The following FANCA variants were observed in gnomAD, a reference collection of about 807,000 sequenced individuals.
FANCA encodes FA complementation group A.
In FANCA, 236 loss-of-function variants were observed where a neutral mutation model predicts 194.3. The observed-to-expected ratio is 1.21, with a 90% confidence interval of 1.09 to 1.35. FANCA has a LOEUF of 1.35. FANCA is among the 40% of genes most tolerant of loss of function. FANCA has a pLI of 0.00. For missense variants in FANCA, 2,628 were observed against 1,813.9 expected, an observed-to-expected ratio of 1.45 and a Z score of -8.15; for synonymous variants, 1,014 against 715.8, an observed-to-expected ratio of 1.42 and a Z score of -6.65.
chr16:89,753,741 A>T (rs7206120), intron 30 of FANCA, among the ~76,000 whole-genome samples: 5 of 151,992 alleles, frequency 3.3e-5, no homozygotes, highest in Admixed American at 6.6e-5. Context: ...CACTCAGAAC[A>T]GTGTCGCTGC....
intron 18 of FANCA, 64 bp from the exon 19 acceptor site, chr16:89,779,067 G>T: frequency 6.6e-7 from 1 of 1,509,642 alleles, no homozygotes. Flanking sequence ...CCCACAGACG[G>T]TGACCGGTGT....
chr16:89,765,042 A>G lies in FANCA; in HGVS notation c.2626T>C (p.Phe876Leu). 6.2e-7 allele frequency: 1 copy of G among 1,614,206 alleles called. No homozygotes were observed. The highest frequency in any genetic ancestry group is 8.5e-7 in the Non-Finnish European group (1 of 1,180,020). Reference sequence around the variant, plus strand: ...GAAAGAGGCTGTCGGGCCTCTGAGAACAATCTGAACATGAGGAACTGAAAC... The same window carrying G: ...GAAAGAGGCTGTCGGGCCTCTGAGAGCAATCTGAACATGAGGAACTGAAAC... ...KKFQFLMFRL[F>L]SEARQPLSEE... The change falls in exon 28 of 43, where the codon TTC becomes CTC. Residue 876 changes from phenylalanine (F) to leucine (L), a missense_variant. Transcript: ENST00000389301.
Position 89,777,200 on chromosome 16 carries a change from G to A in FANCA, c.1827-1385C>T, listed in dbSNP as rs1048449303. 2.0e-5 allele frequency among the ~76,000 whole-genome samples: 3 copies of A among 149,988 alleles called. No individual in the cohort carries two copies. In the Admixed American group the frequency reaches 2.0e-4, roughly 10 times the overall value. On this transcript the variant is annotated intron_variant, in intron 20 of 42. Coordinates refer to ENST00000389301, the MANE Select transcript of FANCA (RefSeq NM_000135.4). The stretch of plus-strand genomic sequence containing the variant: ...AGACCCTGCTACTTGGGAGGCGGAG[G>A]GGGAAGGATTGTTGAAGCCCAGGAG...
At position 89,795,967 on chromosome 16, in the gene FANCA, A is replaced by G. The variant is rs760583815; in HGVS notation, c.945T>C (p.Pro315=). 3.1e-6 allele frequency: 5 copies of G among 1,614,190 alleles called. No homozygotes were observed. The highest frequency in any genetic ancestry group is 3.3e-5 in the Admixed American group (2 of 60,022). ...GGGTATGACTGAAGAACCTCTTCAG[A>G]GGATCTGTGGAAATTACACTGCCAA... ...HTLGSVISTD[P]LKRFFSHTLT... The change falls in exon 11 of 43, where the codon CCT becomes CCC. Residue 315 remains proline, a synonymous_variant. Coordinates refer to ENST00000389301, the MANE Select transcript of FANCA (RefSeq NM_000135.4).
At chr16:89,805,554 G>A (rs1348915068) in intron 6 of FANCA, among the ~76,000 whole-genome samples, 162 bp from the exon 7 acceptor site, 2 of 151,910 alleles carry the variant, frequency 1.3e-5, no homozygotes, top group African/African-American at 2.4e-5. Flanking sequence ...GACCTCCCAG[G>A]CTCAAGCAAT....
intron 37 of FANCA, among the ~76,000 whole-genome samples, chr16:89,742,126 A>G (rs1159336953): frequency 6.6e-6 from 1 of 151,932 alleles, no homozygotes; most frequent in Non-Finnish European, 1.5e-5. Flanking sequence ...GTAGGTGCGC[A>G]CCACCACACC....
chr16:89,739,143 A>T lies in FANCA; in HGVS notation c.4157T>A (p.Leu1386His), dbSNP rs531372521. ...VSPPAGRSLELKGQGNPVELI... is the reference protein window; with the variant it reads ...VSPPAGRSLEHKGQGNPVELI... ...GGCCCTTGCACCTGCCTGACCCTTG[A>T]GCTCCAGGCTCCTGCCAGCTGGAGG... Residue 1386 changes from leucine to histidine, a missense_variant, in exon 41 of 43, where the codon CTC becomes CAC. Physicochemically the swap from Leu to His is moderately conservative, Grantham distance 99 (BLOSUM62 -3). Transcript: ENST00000389301. 1.2e-6 allele frequency: 2 copies of T among 1,614,090 alleles called. No homozygotes were observed. The highest frequency in any genetic ancestry group is 3.3e-5 in the Admixed American group (2 of 60,020).
rs140590604 is a variant in FANCA, at chr16:89,780,901, G to C, written c.1627-944C>G. On this transcript the variant is annotated intron_variant, in intron 17 of 42. Transcript: ENST00000389301. ...ACTGTGATCACGGTACTATACTTCA[G>C]CCTGGTCAACAGAACAACATCCCAC... 3.2e-3 allele frequency among the ~76,000 whole-genome samples: 472 copies of C among 148,350 alleles called. 4 individuals carry two copies. The highest frequency in any genetic ancestry group is 0.011 in the African/African-American group (439 of 40,196).
intron 6 of FANCA, among the ~76,000 whole-genome samples, chr16:89,807,502 C>G (rs574239256): frequency 6.6e-6 from 1 of 151,730 alleles, no homozygotes; most frequent in Non-Finnish European, 1.5e-5. Flanking sequence ...GTAATCCCAG[C>G]ACTTTGGGAG....
chr16:89,761,806 T>G (rs1567612182), intron 29 of FANCA, 143 bp downstream of exon 29: 9 of 712,152 alleles, frequency 1.3e-5, no homozygotes, highest in Non-Finnish European at 2.3e-5. Flanking sequence ...TTCTATTTTT[T>G]GTAGAAATGG....
chr16:89,779,987 A>C, intron 17 of FANCA, 30 bp from the exon 18 acceptor site: 1 of 1,595,168 alleles, frequency 6.3e-7, no homozygotes, highest in Non-Finnish European at 8.6e-7. Context: ...GAAAGGAAAA[A>C]GAACAGAGGA....
At position 89,808,292 on chromosome 16, in the gene FANCA, A is replaced by C; in HGVS notation, c.596+2T>G. The C allele has an allele frequency of 6.2e-7, 1 of 1,613,800 alleles. No homozygotes were observed. The highest frequency in any genetic ancestry group is 1.1e-5 in the South Asian group (1 of 91,084). The stretch of plus-strand genomic sequence containing the variant: ...AACACTGAATCATCATTAGCACGCT[A>C]CCTTTCCAGCAGCTCTTGCAGGCTC... On this transcript the variant is annotated splice_donor_variant, in intron 6 of 42. Coordinates refer to ENST00000389301, the MANE Select transcript of FANCA (RefSeq NM_000135.4). LOFTEE classifies it high-confidence loss of function.
intron 21 of FANCA, among the ~76,000 whole-genome samples, chr16:89,773,605 T>A (rs1403470813): frequency 6.6e-6 from 1 of 151,894 alleles, no homozygotes; most frequent in African/African-American, 2.4e-5. Context: ...CATAAAAAAT[T>A]ACATTTATAA....
At chr16:89,800,768 C>T (rs1285036867) in intron 8 of FANCA, among the ~76,000 whole-genome samples, 4 of 152,180 alleles carry the variant, frequency 2.6e-5, no homozygotes, top group East Asian at 1.9e-4. Context: ...CTGTGGCCCA[C>T]GCCTGTAATC....
intron 12 of FANCA, 42 bp from the exon 13 acceptor site, chr16:89,792,110 C>T: frequency 6.2e-7 from 1 of 1,613,476 alleles, no homozygotes; most frequent in Non-Finnish European, 8.5e-7. Flanking sequence ...CCAAGCAAAC[C>T]AATGTGCGAC....
intron 8 of FANCA, among the ~76,000 whole-genome samples, chr16:89,802,157 T>G (rs988059778): frequency 6.6e-6 from 1 of 151,946 alleles, no homozygotes; most frequent in Non-Finnish European, 1.5e-5. Flanking sequence ...CAGGCTAGAG[T>G]GCAAGGCGCA....
Position 89,745,058 on chromosome 16 carries a change from C to A in FANCA, c.3527G>T (p.Ser1176Ile). The change falls in exon 36 of 43, where the codon AGC becomes ATC. Residue 1176 changes from serine (S) to isoleucine (I), a missense_variant. Ser to Ile is a moderately radical substitution (Grantham distance 142, BLOSUM62 -2). Transcript: ENST00000389301. The part of the protein sequence containing the change: ...ILTSALVWWP[S>I]LEPVLLCRWR... ...CCGGCAGAGCAGCACAGGCTCCAGG[C>A]TCGGCCACCACACCTATGGAGAGAG... 6.2e-7 allele frequency: 1 copy of A among 1,606,450 alleles called. No individual in the cohort carries two copies. The highest frequency in any genetic ancestry group is 8.5e-7 in the Non-Finnish European group (1 of 1,178,974).
intron 8 of FANCA, among the ~76,000 whole-genome samples, chr16:89,801,423 C>T (rs987694516): frequency 6.6e-6 from 1 of 151,560 alleles, no homozygotes; most frequent in African/African-American, 2.4e-5. Flanking sequence ...TTATTTCACT[C>T]CAGTTAGAAT....
At chr16:89,760,514 C>T (rs2376884) in intron 29 of FANCA, among the ~76,000 whole-genome samples, 101,855 of 151,642 alleles carry the variant, frequency 0.67, 35,182 homozygotes, top group East Asian at 0.99. Flanking sequence ...ACCCTGAGGC[C>T]CATATACCCA....
Sources: allele counts gnomAD v4.1 joint callset (sites outside exome capture counted in the v4.1 genomes callset), GRCh38; gene constraint gnomAD v4.1.1; transcripts MANE v1.5; gene names NCBI Gene and HGNC (gene_info 2026-07-23, HGNC 2026-07-21).